Variants in DAB1 observed in about 807,000 individuals in gnomAD.
The protein encoded by DAB1 is DAB adaptor protein 1.
A neutral mutation model predicts 64.6 loss-of-function variants in DAB1; 15 were observed. The observed-to-expected ratio is 0.23, with a 90% CI of 0.16 to 0.36. DAB1 has a LOEUF of 0.36. Ranked by LOEUF, DAB1 falls within the 10% of genes least tolerant of loss-of-function variation. The pLI is 1.00. For missense variants in DAB1, 596 were observed against 706.7 expected (o/e 0.84, Z 1.78); for synonymous variants, 235 against 251.9 (o/e 0.93, Z 0.64).
chr1:57,700,556 T>A (rs1266676857), intron 6 of DAB1, among the ~76,000 whole-genome samples: 1 of 152,232 alleles, frequency 6.6e-6, no homozygotes, highest in Non-Finnish European at 1.5e-5. Flanking sequence ...AAGTCTGTTA[T>A]CAGATGAACC....
intron 2 of DAB1, among the ~76,000 whole-genome samples, chr1:57,194,996 G>A (rs1664506908): frequency 6.6e-6 from 1 of 152,172 alleles, no homozygotes; most frequent in South Asian, 2.1e-4. Context: ...TAATAACTTT[G>A]GGTCTTGGGT....
chr1:58,318,941 T>C (rs542990121), intron 4 of DAB1, among the ~76,000 whole-genome samples: 11 of 152,142 alleles, frequency 7.2e-5, no homozygotes, highest in Admixed American at 6.5e-5. Flanking sequence ...AGGACAACTA[T>C]CCACAGCCAG....
chr1:58,031,256 T>G (rs762441251), intron 5 of DAB1, among the ~76,000 whole-genome samples: 2 of 152,098 alleles, frequency 1.3e-5, no homozygotes, highest in Non-Finnish European at 2.9e-5. Flanking sequence ...AATGGAAGCA[T>G]GGAGGCAAGG....
intron 1 of DAB1, chr1:57,860,521 C>T (rs548169866): frequency 5.3e-5 from 8 of 152,302 alleles, no homozygotes; most frequent in Admixed American, 1.3e-4. Context: ...TGATGGCTCC[C>T]GCTGGTTGCT....
chr1:57,452,612 G>A (rs746187007), intron 7 of DAB1, among the ~76,000 whole-genome samples: 1 of 152,092 alleles, frequency 6.6e-6, no homozygotes. Flanking sequence ...GTGGTGGGGG[G>A]CGCGGGGTGG....
intron 1 of DAB1, among the ~76,000 whole-genome samples, chr1:57,343,975 T>C (rs1677880633): frequency 6.6e-6 from 1 of 152,278 alleles, no homozygotes; most frequent in Non-Finnish European, 1.5e-5. Context: ...CCTCTCACTC[T>C]GATTGACTGA....
chr1:57,273,622 C>G (rs1488247945), intron 2 of DAB1, among the ~76,000 whole-genome samples: 1 of 116,494 alleles, frequency 8.6e-6, no homozygotes, highest in Non-Finnish European at 1.8e-5. Flanking sequence ...TTCCCTCCCT[C>G]CCTCCCTCCC....
chr1:57,641,215 A>G (rs7548624), intron 7 of DAB1, among the ~76,000 whole-genome samples: 77,007 of 151,724 alleles, frequency 0.51, 19,983 homozygotes, highest in East Asian at 0.69. Context: ...AGGGAAGCCA[A>G]CCAGCAGAGC....
At position 57,770,137 on chromosome 1, in the gene DAB1, T is replaced by C. The variant is rs185679880; in HGVS notation, n.551+113862A>G. ...AAGAAAAGCAGGATCATATCCCAGC[T>C]CTGATTCAAATGCCTTCTCAATCTA... On this transcript the variant is annotated intron_variant and non_coding_transcript_variant, in intron 6 of 20. Transcript: ENST00000485760. Among the ~76,000 whole-genome samples, 181 of 152,308 alleles carry C rather than the reference T, an allele frequency of 1.2e-3. No individual in the cohort carries two copies. The Middle Eastern group carries it at 0.014, about 11-fold the overall frequency.
chr1:57,593,981 T>A (rs543288255), intron 7 of DAB1, among the ~76,000 whole-genome samples: 3 of 152,336 alleles, frequency 2.0e-5, no homozygotes, highest in African/African-American at 7.2e-5. Flanking sequence ...AAGCCTGGGT[T>A]GTATGCCTTG....
At chr1:58,246,872 AGGTGTGTG>A (rs1660560978) in intron 4 of DAB1, among the ~76,000 whole-genome samples, 1 of 151,662 alleles carries the variant, frequency 6.6e-6, no homozygotes, top group African/African-American at 2.4e-5. Context: ...ATAAGTGTGT[AGGTGTGTG>A]GGTGTGAGGG....
chr1:57,071,763 T>C, intron 5 of DAB1, 122 bp from the exon 6 acceptor site: 1 of 937,486 alleles, frequency 1.1e-6, no homozygotes, highest in Non-Finnish European at 1.6e-6. Context: ...AAGCATTCCA[T>C]TCTTAATTAA....
At chr1:57,731,255 G>T (rs1229040426) in intron 6 of DAB1, among the ~76,000 whole-genome samples, 1 of 152,170 alleles carries the variant, frequency 6.6e-6, no homozygotes, top group African/African-American at 2.4e-5. Context: ...CTTACATGAG[G>T]AAGTAGAATA....
chr1:57,177,353 A>G (rs1315242273), intron 2 of DAB1, among the ~76,000 whole-genome samples: 1 of 152,184 alleles, frequency 6.6e-6, no homozygotes. Context: ...ACAGGTTAAT[A>G]AACTTGCATT....
chr1:58,300,641 A>G (rs1271356844), intron 4 of DAB1, among the ~76,000 whole-genome samples: 1 of 58,248 alleles, frequency 1.7e-5, no homozygotes, highest in Non-Finnish European at 3.5e-5. Context: ...AGAGAGAGAG[A>G]GAGAGAGGAA....
At chr1:57,282,082 C>T (rs185213158) in intron 2 of DAB1, among the ~76,000 whole-genome samples, 1 of 148,514 alleles carries the variant, frequency 6.7e-6, no homozygotes, top group Admixed American at 6.8e-5. Flanking sequence ...ACTCAGGAGG[C>T]TAAGGCAGGA....
At chr1:58,375,565 C>A (rs1019914906) in intron 3 of DAB1, among the ~76,000 whole-genome samples, 1 of 149,360 alleles carries the variant, frequency 6.7e-6, no homozygotes, top group Non-Finnish European at 1.5e-5. Context: ...TTTTGATGTG[C>A]TGCTGGATTC....
chr1:58,171,809 T>A (rs575727750), intron 4 of DAB1, among the ~76,000 whole-genome samples: 1 of 152,368 alleles, frequency 6.6e-6, no homozygotes, highest in African/African-American at 2.4e-5. Context: ...GGAAGCCTCA[T>A]GCCAGCATGC....
At chr1:58,463,657 T>A (rs902960378) in intron 3 of DAB1, among the ~76,000 whole-genome samples, 2 of 152,204 alleles carry the variant, frequency 1.3e-5, no homozygotes, top group Middle Eastern at 3.2e-3. Flanking sequence ...ACATCCTGCA[T>A]GCATAAATGG....
Sources: gnomAD v4.1 joint callset for allele counts (sites outside exome capture counted in the v4.1 genomes callset) on GRCh38, gnomAD v4.1.1 for gene constraint, MANE v1.5 for transcripts, NCBI Gene and HGNC (gene_info 2026-07-23, HGNC 2026-07-21) for gene names.